Variants in OPHN1 observed in about 807,000 individuals in gnomAD.
OPHN1 encodes oligophrenin-1.
A neutral mutation model predicts 60.7 loss-of-function variants in OPHN1; 11 were observed. The observed-to-expected ratio is 0.18, with a 90% confidence interval of 0.11 to 0.30. The LOEUF (loss-of-function observed/expected upper bound fraction) is 0.30, where lower values mean the gene tolerates loss of function less well. Ranked by LOEUF, OPHN1 falls within the 10% of genes least tolerant of loss-of-function variation. The pLI is 1.00. For missense variants in OPHN1, 449 were observed against 611.0 expected, an observed-to-expected ratio of 0.73 and a Z score of 2.80; for synonymous variants, 226 against 222.6, an observed-to-expected ratio of 1.02 and a Z score of -0.14.
At chrX:68,246,104 C>T (rs7060790) in intron 5 of OPHN1, among the ~76,000 whole-genome samples, 8,639 of 111,412 alleles carry the variant, frequency 0.078, 842 homozygotes, top group African/African-American at 0.27. Context: ...TGTGCCTGGC[C>T]GGTTATGGAC....
At chrX:68,308,737 T>C (rs1306533921) in intron 2 of OPHN1, among the ~76,000 whole-genome samples, 1 of 112,019 alleles carries the variant, frequency 8.9e-6, no homozygotes, top group East Asian at 2.8e-4. Context: ...GCAGTTAGCC[T>C]ATAAATTTGA....
At chrX:68,054,398 G>T (rs1354037236) in intron 21 of OPHN1, among the ~76,000 whole-genome samples, 1 of 110,675 alleles carries the variant, frequency 9.0e-6, no homozygotes, top group Admixed American at 9.7e-5. Flanking sequence ...CTCACACATT[G>T]CTGGTGGCAA....
At position 68,362,146 on chromosome X, in the gene OPHN1, A is replaced by G. The variant is rs927988740; in HGVS notation, c.155-63050T>C. ...CTCTTATCATATGTATGGTTTGCAA[A>G]TATTTTATCCCATTTCATAAGTTGT... On this transcript the variant is annotated intron_variant, in intron 2 of 24. Coordinates refer to ENST00000355520, the MANE Select transcript of OPHN1 (RefSeq NM_002547.3). Among the ~76,000 whole-genome samples the G allele has an allele frequency of 3.6e-5, 4 of 112,163 alleles. No individual in the cohort carries two copies. The East Asian group carries it at 1.1e-3, about 31-fold the overall frequency.
At chrX:68,379,427 C>A (rs749285234) in intron 2 of OPHN1, among the ~76,000 whole-genome samples, 1,322 of 107,417 alleles carry the variant, frequency 0.012, 22 homozygotes, top group African/African-American at 0.043. Context: ...TTATTTCCTT[C>A]TCCTGCCTAA....
intron 2 of OPHN1, among the ~76,000 whole-genome samples, chrX:68,377,734 T>A (rs1448436510): frequency 9.0e-6 from 1 of 110,692 alleles, no homozygotes; most frequent in East Asian, 2.8e-4. Flanking sequence ...TCCAGTTTCA[T>A]CCATGTCCCT....
At chrX:68,217,297 G>C (rs1017718908) in intron 6 of OPHN1, among the ~76,000 whole-genome samples, 3 of 112,070 alleles carry the variant, frequency 2.7e-5, no homozygotes, top group Non-Finnish European at 5.6e-5. Flanking sequence ...CAGTCTCGCT[G>C]ATTGCTAGCA....
chrX:68,317,406 A>AGGAAG (rs2078208729), intron 2 of OPHN1, among the ~76,000 whole-genome samples: 1 of 94,536 alleles, frequency 1.1e-5, no homozygotes, highest in African/African-American at 4.0e-5. Flanking sequence ...GAAGGAAGGA[A>AGGAAG]GGAAGGAAGG....
intron 18 of OPHN1, among the ~76,000 whole-genome samples, chrX:68,098,107 C>T (rs1252623595): frequency 9.1e-6 from 1 of 110,357 alleles, no homozygotes; most frequent in Non-Finnish European, 1.9e-5. Context: ...CTGGAATATC[C>T]CCCCTCTCCC....
At chrX:68,330,112 T>G (rs993565240) in intron 2 of OPHN1, among the ~76,000 whole-genome samples, 1 of 110,011 alleles carries the variant, frequency 9.1e-6, no homozygotes, top group Non-Finnish European at 1.9e-5. Flanking sequence ...TTTTCTTCCT[T>G]TTTTTGAGAC....
At chrX:68,299,203 G>T in intron 2 of OPHN1, 107 bp from the exon 3 acceptor site, 1 of 493,324 alleles carries the variant, frequency 2.0e-6, no homozygotes. Flanking sequence ...AGTGCTCTGA[G>T]CAGGTTGCAA....
chrX:68,258,805 TTTCTC>T (rs2077879143), intron 5 of OPHN1, among the ~76,000 whole-genome samples: 1 of 111,418 alleles, frequency 9.0e-6, no homozygotes, highest in Non-Finnish European at 1.9e-5. Flanking sequence ...GTACAGCAAA[TTTCTC>T]TTCCACCAGT....
At chrX:68,209,936 G>A (rs2077576845) in intron 9 of OPHN1, 1 of 439,417 alleles carries the variant, frequency 2.3e-6, no homozygotes, top group Non-Finnish European at 4.0e-6. Context: ...AAAACCTTAG[G>A]TCTTATCACT....
intron 5 of OPHN1, among the ~76,000 whole-genome samples, chrX:68,264,545 G>C (rs2077912270): frequency 8.9e-6 from 1 of 111,823 alleles, no homozygotes; most frequent in Non-Finnish European, 1.9e-5. Context: ...TGCAAATCAG[G>C]GTAAAGCCAA....
chrX:68,291,402 C>T (rs375508487), intron 3 of OPHN1, among the ~76,000 whole-genome samples: 2 of 111,981 alleles, frequency 1.8e-5, no homozygotes, highest in Non-Finnish European at 3.8e-5. Flanking sequence ...CTGGCTGGCA[C>T]TTAACCAGCA....
chrX:68,108,894 G>A (rs1476305658), intron 18 of OPHN1, among the ~76,000 whole-genome samples: 1 of 111,190 alleles, frequency 9.0e-6, no homozygotes, highest in African/African-American at 3.3e-5. Flanking sequence ...AGTATATAAG[G>A]AGGTATACTT....
At chrX:68,097,181 A>G in intron 18 of OPHN1, 152 bp from the exon 19 acceptor site, 1 of 495,797 alleles carries the variant, frequency 2.0e-6, no homozygotes, top group Non-Finnish European at 3.3e-6. Context: ...ATTACAAAGG[A>G]AACAATCAGC....
chrX:68,407,177 T>A (rs922130008), intron 2 of OPHN1, among the ~76,000 whole-genome samples: 2 of 112,401 alleles, frequency 1.8e-5, no homozygotes, highest in Admixed American at 9.5e-5. Flanking sequence ...GCACTCCAGC[T>A]TGGGCAACAA....
intron 2 of OPHN1, among the ~76,000 whole-genome samples, chrX:68,391,941 C>T (rs1030943889): frequency 4.5e-5 from 5 of 112,021 alleles, no homozygotes; most frequent in Non-Finnish European, 7.5e-5. Flanking sequence ...CAGTGAAACT[C>T]ATTTTGTACT....
At chrX:68,330,372 A>G (rs2078288591) in intron 2 of OPHN1, among the ~76,000 whole-genome samples, 2 of 212 alleles carry the variant, frequency 9.4e-3, no homozygotes, top group African/African-American at 0.04. Flanking sequence ...TGCTGGGATT[A>G]CAGGCATGAG....
Sources: allele counts gnomAD v4.1 joint callset (sites outside exome capture counted in the v4.1 genomes callset), GRCh38; gene constraint gnomAD v4.1.1; transcripts MANE v1.5; gene names NCBI Gene and HGNC (gene_info 2026-07-23, HGNC 2026-07-21).